Variants in FAF1 observed in about 807,000 individuals in gnomAD.
The protein encoded by FAF1 is FAS-associated factor 1.
A neutral mutation model predicts 92.5 loss-of-function variants in FAF1; 25 were observed. That is an observed-to-expected ratio of 0.27 (90% CI 0.20 to 0.38). FAF1 has a LOEUF of 0.38. Ranked by LOEUF, FAF1 falls within the 10% of genes least tolerant of loss-of-function variation. FAF1 has a pLI of 1.00. For missense variants in FAF1, 636 were observed against 793.3 expected (o/e 0.80, Z 2.38); for synonymous variants, 234 against 273.2 (o/e 0.86, Z 1.42).
intron 4 of FAF1, among the ~76,000 whole-genome samples, chr1:50,764,096 CTT>C (rs1379690206): frequency 2.0e-5 from 3 of 152,220 alleles, no homozygotes; most frequent in South Asian, 2.1e-4. Context: ...GAGAATACCA[CTT>C]TCTCATTACT....
chr1:50,810,026 C>G (rs1457437340), intron 2 of FAF1, among the ~76,000 whole-genome samples: 1 of 152,094 alleles, frequency 6.6e-6, no homozygotes, highest in Non-Finnish European at 1.5e-5. Flanking sequence ...GAGGCTGAGG[C>G]CCGTGGATCA....
intron 4 of FAF1, among the ~76,000 whole-genome samples, chr1:50,785,127 T>A (rs1661312824): frequency 3.1e-5 from 3 of 96,176 alleles, no homozygotes; most frequent in African/African-American, 9.3e-5. Flanking sequence ...AGCAAGACCC[T>A]ATCTCAAAAA....
intron 2 of FAF1, among the ~76,000 whole-genome samples, chr1:50,832,142 C>A (rs1170286339): frequency 6.6e-6 from 1 of 152,010 alleles, no homozygotes; most frequent in Admixed American, 6.6e-5. Context: ...CATTACAATG[C>A]AATAACAGAA....
rs1220907359 is a variant in FAF1, at chr1:50,687,465, A to G, written c.657+18321T>C. On this transcript the variant is annotated intron_variant, in intron 7 of 18. Transcript: ENST00000396153. ...ATAAACACATGAAATGATGCTCAAA[A>G]CTGGCCGGGTGCGATGGCTCATGCC... Among the ~76,000 whole-genome samples, 3 of 152,058 alleles carry G rather than the reference A, an allele frequency of 2.0e-5. No individual in the cohort carries two copies. The East Asian group carries it at 5.8e-4, about 29-fold the overall frequency.
intron 8 of FAF1, among the ~76,000 whole-genome samples, chr1:50,641,433 CTTT>C (rs1300127662): frequency 1.3e-5 from 2 of 152,004 alleles, no homozygotes; most frequent in African/African-American, 2.4e-5. Context: ...CTGATTTCTT[CTTT>C]GACTCATGAA....
chr1:50,595,046 TTATC>T (rs1049835034), intron 9 of FAF1, among the ~76,000 whole-genome samples: 3 of 151,786 alleles, frequency 2.0e-5, no homozygotes, highest in Admixed American at 1.3e-4. Flanking sequence ...ACTATTATTA[TTATC>T]TTTTTATTTT....
intron 6 of FAF1, among the ~76,000 whole-genome samples, chr1:50,732,219 C>A (rs539605062): frequency 3.3e-5 from 5 of 152,094 alleles, no homozygotes; most frequent in Admixed American, 1.3e-4. Flanking sequence ...GGACTACAGG[C>A]GCCCGCCACC....
At chr1:50,643,146 T>C (rs1654427074) in intron 8 of FAF1, among the ~76,000 whole-genome samples, 2 of 152,218 alleles carry the variant, frequency 1.3e-5, no homozygotes, top group Admixed American at 6.5e-5. Context: ...CTGTTTTATT[T>C]GTACTTTTTT....
chr1:50,954,540 AT>A (rs199964324), intron 1 of FAF1, among the ~76,000 whole-genome samples: 35,526 of 119,928 alleles, frequency 0.3, 4,656 homozygotes, highest in Middle Eastern at 0.42. Context: ...AAAAATTTTG[AT>A]TTTTTTTTTT....
chr1:50,594,406 A>T (rs1046536811), intron 9 of FAF1, among the ~76,000 whole-genome samples: 18 of 152,046 alleles, frequency 1.2e-4, no homozygotes, highest in African/African-American at 3.9e-4. Flanking sequence ...AGTCTTGGTG[A>T]TGACTTTTCC....
chr1:50,808,797 C>T (rs1662310074), intron 2 of FAF1, among the ~76,000 whole-genome samples: 1 of 152,064 alleles, frequency 6.6e-6, no homozygotes, highest in Non-Finnish European at 1.5e-5. Context: ...CAAAGTCAAT[C>T]AGGAGCAGGT....
intron 1 of FAF1, among the ~76,000 whole-genome samples, chr1:50,882,224 C>G (rs1427505804): frequency 6.6e-6 from 1 of 152,152 alleles, no homozygotes; most frequent in Admixed American, 6.5e-5. Context: ...GAAGAAAAAA[C>G]TCTGGCTAAC....
intron 3 of FAF1, among the ~76,000 whole-genome samples, chr1:50,789,990 C>G (rs1387252872): frequency 6.6e-6 from 1 of 152,192 alleles, no homozygotes; most frequent in Non-Finnish European, 1.5e-5. Context: ...ACAAATTATA[C>G]TCAACCTTTC....
intron 1 of FAF1, among the ~76,000 whole-genome samples, chr1:50,899,578 G>A (rs996255722): frequency 6.6e-6 from 1 of 152,084 alleles, no homozygotes; most frequent in Admixed American, 6.6e-5. Context: ...TCAGCCTCCC[G>A]AGTAGCTGGG....
At chr1:50,559,852 A>T (rs753060851) in intron 13 of FAF1, among the ~76,000 whole-genome samples, 1 of 152,160 alleles carries the variant, frequency 6.6e-6, no homozygotes, top group Non-Finnish European at 1.5e-5. Context: ...TTGACCTGGG[A>T]TGTTTAGGAT....
At chr1:50,957,124 C>T (rs1181383858) in intron 1 of FAF1, among the ~76,000 whole-genome samples, 1 of 152,102 alleles carries the variant, frequency 6.6e-6, no homozygotes, top group Non-Finnish European at 1.5e-5. Flanking sequence ...ACACAAATGG[C>T]TAATGTGTTT....
chr1:50,654,031 A>G (rs1654995392), intron 8 of FAF1, among the ~76,000 whole-genome samples: 1 of 152,226 alleles, frequency 6.6e-6, no homozygotes, highest in African/African-American at 2.4e-5. Flanking sequence ...TTCATAATCC[A>G]CAAAGCATGT....
At chr1:50,785,972 GA>G (rs879685093) in intron 4 of FAF1, among the ~76,000 whole-genome samples, 72 of 143,684 alleles carry the variant, frequency 5.0e-4, no homozygotes, top group South Asian at 1.1e-3. Flanking sequence ...TCTCTACAAA[GA>G]AAAAAAAAAA....
In FAF1 at chr1:50,677,920, G is replaced by A. The variant is rs193141266; in HGVS notation, c.658-22392C>T. Among the ~76,000 whole-genome samples the A allele has an allele frequency of 2.5e-3, 369 of 145,582 alleles. 3 individuals are homozygous for A. The highest frequency in any genetic ancestry group is 4.7e-3 in the Non-Finnish European group (316 of 66,628). ...CAAAAAAAAAAAAAAAAAAAAAAGA[G>A]CAACTAGTTTTTATCGAATTATGCA... On this transcript the variant is annotated intron_variant, in intron 7 of 18. Transcript: ENST00000396153.
Sources: gnomAD v4.1 joint callset for allele counts (sites outside exome capture counted in the v4.1 genomes callset) on GRCh38, gnomAD v4.1.1 for gene constraint, MANE v1.5 for transcripts, NCBI Gene and HGNC (gene_info 2026-07-23, HGNC 2026-07-21) for gene names.